The following CFAP20DC variants were observed in gnomAD, a reference collection of about 807,000 sequenced individuals.
CFAP20DC encodes the protein CFAP20 domain containing.
In CFAP20DC, 84 loss-of-function variants were observed where a neutral mutation model predicts 101.7. That is an observed-to-expected ratio of 0.83 (90% confidence interval 0.69 to 0.99). The LOEUF is 0.99. Ranked by LOEUF, CFAP20DC falls within the 50% of genes least tolerant of loss-of-function variation. The pLI, the probability that CFAP20DC is intolerant of heterozygous loss-of-function variation, is 0.00. For synonymous variants in CFAP20DC, 359 were observed against 351.2 expected, an observed-to-expected ratio of 1.02 and a Z score of -0.25; for missense variants, 1,007 against 970.3, an observed-to-expected ratio of 1.04 and a Z score of -0.50.
chr3:59,004,558 A>G (rs2093388893), intron 4 of CFAP20DC, among the ~76,000 whole-genome samples: 1 of 152,146 alleles, frequency 6.6e-6, no homozygotes, highest in Non-Finnish European at 1.5e-5. Flanking sequence ...TGACTCTTGG[A>G]TTTGGTCAAC....
intron 15 of CFAP20DC, among the ~76,000 whole-genome samples, chr3:58,759,041 G>A (rs538149331): frequency 6.6e-6 from 1 of 152,266 alleles, no homozygotes. Flanking sequence ...ATAGTCCTTT[G>A]GGTATATACC....
chr3:58,742,665 G>T, intron 16 of CFAP20DC, 93 bp from the exon 17 acceptor site: 1 of 818,864 alleles, frequency 1.2e-6, no homozygotes. Context: ...CATCTCTCCT[G>T]GGGGATTTTC....
intron 14 of CFAP20DC, among the ~76,000 whole-genome samples, chr3:58,811,577 C>T (rs977609497): frequency 6.6e-6 from 1 of 152,044 alleles, no homozygotes; most frequent in African/African-American, 2.4e-5. Flanking sequence ...AAGACTTAAA[C>T]GTTAGACCTA....
At chr3:58,816,704 G>C (rs576378439) in intron 14 of CFAP20DC, among the ~76,000 whole-genome samples, 2 of 152,328 alleles carry the variant, frequency 1.3e-5, no homozygotes, top group African/African-American at 2.4e-5. Context: ...GTGGAAGCGA[G>C]GCTGGGGGAG....
chr3:58,749,359 C>T (rs901988492), intron 16 of CFAP20DC, among the ~76,000 whole-genome samples: 1 of 152,152 alleles, frequency 6.6e-6, no homozygotes, highest in Non-Finnish European at 1.5e-5. Context: ...CAGATCCTAA[C>T]CCCCACTTTA....
rs1436343297 is a variant in CFAP20DC, at chr3:58,912,991, C to T, written c.550+717G>A. Reference sequence around the variant, plus strand: ...TTGATGACTTTCCCACACAATGAGTCCTGCCTCCTTAGTCAGGAATCAGAC... The same window carrying T: ...TTGATGACTTTCCCACACAATGAGTTCTGCCTCCTTAGTCAGGAATCAGAC... On this transcript the variant is annotated intron_variant, in intron 6 of 16. Coordinates refer to ENST00000482387, the MANE Select transcript of CFAP20DC (RefSeq NM_001394063.1). This position sits in a 1 kb window ranked among gnomAD's most constrained non-coding sequence, Gnocchi z 4.4. Among the ~76,000 whole-genome samples the T allele has an allele frequency of 6.6e-6, 1 of 152,154 alleles. No individual in the cohort carries two copies. Among genetic ancestry groups the T allele is most frequent in the Non-Finnish European group, 1.5e-5 (1 of 68,026 alleles).
intron 4 of CFAP20DC, among the ~76,000 whole-genome samples, chr3:58,949,171 C>T (rs1311460009): frequency 2.0e-5 from 3 of 151,874 alleles, no homozygotes; most frequent in Non-Finnish European, 4.4e-5. Flanking sequence ...CTATTTGATT[C>T]TTCTCTCTTC....
At chr3:58,741,591 G>A (rs1032778600), downstream of CFAP20DC, among the ~76,000 whole-genome samples, 1 of 151,870 alleles carries the variant, frequency 6.6e-6, no homozygotes, top group African/African-American at 2.4e-5. Context: ...CTGACTCCTG[G>A]GTTCGCGCCA....
intron 15 of CFAP20DC, among the ~76,000 whole-genome samples, chr3:58,803,883 A>T (rs2073874983): frequency 6.6e-6 from 1 of 152,244 alleles, no homozygotes; most frequent in Non-Finnish European, 1.5e-5. Flanking sequence ...GCATAAGATA[A>T]TGCTGTCTAA....
chr3:58,821,270 C>A (rs570204414), intron 14 of CFAP20DC, among the ~76,000 whole-genome samples: 2 of 152,224 alleles, frequency 1.3e-5, no homozygotes, highest in East Asian at 3.9e-4. Context: ...AAAGCAATGG[C>A]AACAAAAGAC....
At position 58,861,794 on chromosome 3, in the gene CFAP20DC, G is replaced by A. The variant is rs141478170; in HGVS notation, c.1593+1764C>T. On this transcript the variant is annotated intron_variant, in intron 12 of 16. Coordinates refer to ENST00000482387, the MANE Select transcript of CFAP20DC (RefSeq NM_001394063.1). This position sits in a 1 kb window ranked among gnomAD's most constrained non-coding sequence, Gnocchi z 4.0. ...GATGGTCTCACCACAGACTCTAGCC[G>A]TATGCTACTGGTCACCTTGATGGGC... 476 of 985,392 alleles carry A rather than the reference G, an allele frequency of 4.8e-4. 1 individual carries two copies. In the African/African-American group the frequency reaches 7.5e-3, roughly 16 times the overall value. The allele number at this position is 985,392 out of a possible 1,614,324, so 61.0% of individuals were successfully genotyped here. A position where few individuals can be genotyped will look rare whatever the true frequency, so the allele number is the denominator to read the frequency against.
At chr3:58,957,471 T>A (rs1367756172) in intron 4 of CFAP20DC, among the ~76,000 whole-genome samples, 1 of 152,018 alleles carries the variant, frequency 6.6e-6, no homozygotes, top group African/African-American at 2.4e-5. Flanking sequence ...AAAATAGAGC[T>A]CTCACATGAT....
At chr3:58,922,268 G>T (rs2085461630) in intron 5 of CFAP20DC, among the ~76,000 whole-genome samples, 1 of 152,074 alleles carries the variant, frequency 6.6e-6, no homozygotes, top group Admixed American at 6.5e-5. Context: ...TCTGTTCTTT[G>T]TTCAGTTCTC....
intron 4 of CFAP20DC, among the ~76,000 whole-genome samples, chr3:59,027,330 T>C (rs923293186): frequency 2.4e-4 from 36 of 152,166 alleles, no homozygotes; most frequent in African/African-American, 8.0e-4. Flanking sequence ...CAAATGGAAG[T>C]AGTACTTCAA....
intron 5 of CFAP20DC, among the ~76,000 whole-genome samples, chr3:58,935,421 T>C (rs1576379252): frequency 2.0e-5 from 3 of 151,922 alleles, no homozygotes; most frequent in Non-Finnish European, 4.4e-5. Context: ...TGGAAAAAAC[T>C]ACTTTAAAGT....
chr3:58,839,985 A>C lies in CFAP20DC; in HGVS notation c.1972-8096T>G, dbSNP rs1370751778. 2.0e-5 allele frequency among the ~76,000 whole-genome samples: 3 copies of C among 152,352 alleles called. No homozygotes were observed. The East Asian group carries it at 5.8e-4, about 29-fold the overall frequency. On this transcript the variant is annotated intron_variant, in intron 13 of 16. Coordinates refer to ENST00000482387, the MANE Select transcript of CFAP20DC (RefSeq NM_001394063.1). ...CCATTGCATTAAACACTGGATACAA[A>C]GAAAATGAAAGAAACAAACCATTCT...
At chr3:58,876,232 T>C (rs1016096508) in intron 7 of CFAP20DC, among the ~76,000 whole-genome samples, 12 of 152,226 alleles carry the variant, frequency 7.9e-5, no homozygotes, top group Admixed American at 7.8e-4. Context: ...AATCTGTGTA[T>C]AATCATATTA....
chr3:58,842,091 A>C (rs566216236), intron 13 of CFAP20DC, among the ~76,000 whole-genome samples: 1 of 152,380 alleles, frequency 6.6e-6, no homozygotes, highest in East Asian at 1.9e-4. Flanking sequence ...ATTGCAAAGA[A>C]CAAGTTTACC....
intron 4 of CFAP20DC, among the ~76,000 whole-genome samples, chr3:58,973,455 G>C (rs1220848952): frequency 6.6e-6 from 1 of 152,148 alleles, no homozygotes; most frequent in Non-Finnish European, 1.5e-5. Flanking sequence ...CTTCTAGCTG[G>C]TCTCCCTGCT....
Sources: allele counts gnomAD v4.1 joint callset (sites outside exome capture counted in the v4.1 genomes callset), GRCh38; gene constraint gnomAD v4.1.1; non-coding constraint Gnocchi (gnomAD v3.1); transcripts MANE v1.5; gene names NCBI Gene and HGNC (gene_info 2026-07-23, HGNC 2026-07-21).